Variants in PATJ observed in about 807,000 individuals in gnomAD.
PATJ encodes inaD-like protein.
PATJ carries 190 observed loss-of-function variants against 224.9 expected under a neutral mutation model. The observed-to-expected ratio is 0.84, with a 90% CI of 0.75 to 0.95. The LOEUF (loss-of-function observed/expected upper bound fraction) is 0.95, where lower values mean the gene tolerates loss of function less well. Among genes scored for constraint, PATJ ranks in the 40% least tolerant of loss-of-function variants. The pLI, the probability that PATJ is intolerant of heterozygous loss-of-function variation, is 0.00. For missense variants in PATJ, 2,121 were observed against 2,270.3 expected (o/e 0.93, Z 1.34); for synonymous variants, 769 against 820.3 (o/e 0.94, Z 1.07).
chr1:62,144,492 C>T (rs1218540041), intron 41 of PATJ, among the ~76,000 whole-genome samples: 1 of 152,098 alleles, frequency 6.6e-6, no homozygotes, highest in Non-Finnish European at 1.5e-5. Flanking sequence ...AAAGTTCCCT[C>T]TGTATTTGTG....
intron 33 of PATJ, among the ~76,000 whole-genome samples, chr1:62,102,300 A>T (rs1185618754): frequency 6.6e-6 from 1 of 152,234 alleles, no homozygotes; most frequent in Non-Finnish European, 1.5e-5. Context: ...AGTGAAAATC[A>T]CACAACTACC....
chr1:61,862,698 C>CT (rs1180770730), intron 19 of PATJ, among the ~76,000 whole-genome samples: 6 of 152,048 alleles, frequency 3.9e-5, no homozygotes, highest in African/African-American at 1.4e-4. Context: ...ATATTGAATA[C>CT]TTTCTAAAGA....
chr1:61,833,897 A>ATTC, intron 17 of PATJ, 112 bp downstream of exon 17: 1 of 861,608 alleles, frequency 1.2e-6, no homozygotes, highest in Non-Finnish European at 1.8e-6. Flanking sequence ...CTGAATCCCA[A>ATTC]AGATGGGATA....
At chr1:62,079,603 A>G in intron 32 of PATJ, 36 bp downstream of exon 32, 1 of 1,365,426 alleles carries the variant, frequency 7.3e-7, no homozygotes, top group Non-Finnish European at 1.0e-6. Flanking sequence ...TGGCTCATTA[A>G]GCCTTAGAGA....
chr1:62,060,287 T>C (rs1006325197), intron 31 of PATJ, among the ~76,000 whole-genome samples: 4 of 152,192 alleles, frequency 2.6e-5, no homozygotes, highest in African/African-American at 9.7e-5. Context: ...TTAGAGCCTG[T>C]GAGTGCTGTA....
chr1:62,123,869 T>C (rs1665397955), intron 39 of PATJ, among the ~76,000 whole-genome samples: 1 of 151,888 alleles, frequency 6.6e-6, no homozygotes, highest in South Asian at 2.1e-4. Context: ...AACATCTTTA[T>C]ATTTTTGCCC....
chr1:61,944,157 C>T (rs751508630), intron 27 of PATJ, among the ~76,000 whole-genome samples: 9 of 152,092 alleles, frequency 5.9e-5, no homozygotes, highest in African/African-American at 9.7e-5. Context: ...AAAATCAGAC[C>T]GCCTCTTCTC....
intron 30 of PATJ, among the ~76,000 whole-genome samples, chr1:62,045,391 T>A (rs1652354421): frequency 6.6e-6 from 1 of 151,626 alleles, no homozygotes; most frequent in Admixed American, 6.6e-5. Context: ...AAAAAAGGAG[T>A]TTAAAATAAT....
chr1:62,044,399 C>G (rs149013441), intron 30 of PATJ, among the ~76,000 whole-genome samples: 160 of 152,210 alleles, frequency 1.1e-3, no homozygotes, highest in African/African-American at 3.5e-3. Context: ...GCATTTTGAA[C>G]AATGAAACAA....
chr1:61,959,427 T>TATATA (rs1557944954), intron 27 of PATJ, among the ~76,000 whole-genome samples: 1 of 25,188 alleles, frequency 4.0e-5, no homozygotes, highest in Non-Finnish European at 1.0e-4. Flanking sequence ...TATAATATAT[T>TATATA]TTTTTTCTTT....
chr1:62,135,780 C>G (rs1317037603), intron 41 of PATJ, among the ~76,000 whole-genome samples: 1 of 152,106 alleles, frequency 6.6e-6, no homozygotes, highest in East Asian at 1.9e-4. Context: ...TGTAAAGTGT[C>G]TAATAAATAC....
intron 7 of PATJ, among the ~76,000 whole-genome samples, chr1:61,777,832 C>T (rs751804236): frequency 3.3e-5 from 5 of 150,644 alleles, no homozygotes; most frequent in African/African-American, 4.9e-5. Context: ...CTCAGTCTCC[C>T]GAGTAGTTGG....
intron 17 of PATJ, among the ~76,000 whole-genome samples, chr1:61,841,061 G>A (rs539825045): frequency 2.6e-4 from 40 of 152,222 alleles, no homozygotes; most frequent in Non-Finnish European, 3.4e-4. Context: ...ATATATGGCG[G>A]TAATTAATTT....
At chr1:61,823,939 T>C (rs1657746283) in intron 15 of PATJ, among the ~76,000 whole-genome samples, 1 of 152,110 alleles carries the variant, frequency 6.6e-6, no homozygotes, top group Admixed American at 6.6e-5. Flanking sequence ...CATGGGAGGG[T>C]AGGGTATTGG....
At chr1:62,025,758 G>T (rs1647753880) in intron 29 of PATJ, among the ~76,000 whole-genome samples, 1 of 152,218 alleles carries the variant, frequency 6.6e-6, no homozygotes, top group African/African-American at 2.4e-5. Flanking sequence ...AGGAGGTGGA[G>T]GTTGCAGTGA....
chr1:62,061,641 G>A (rs1655458876), intron 31 of PATJ, among the ~76,000 whole-genome samples: 2 of 152,108 alleles, frequency 1.3e-5, no homozygotes, highest in African/African-American at 2.4e-5. Context: ...TGGCTGTGTA[G>A]CATTTCATGT....
chr1:61,864,606 G>A lies in PATJ; in HGVS notation c.2808G>A (p.Gln936=). The change falls in exon 20 of 44, where the codon CAG becomes CAA. Residue 936 remains glutamine, a synonymous_variant. Coordinates refer to ENST00000642238, the MANE Select transcript of PATJ (RefSeq NM_001350145.3). The stretch of plus-strand genomic sequence containing the variant: ...GGACTGTCTATTCCCAGGAGGCACA[G>A]CCGTATGGCTATTGCCCTGAAAATG... ...TGRTVYSQEA[Q]PYGYCPENVM... The A allele has an allele frequency of 6.3e-7, 1 of 1,599,546 alleles. No individual in the cohort carries two copies. The highest frequency in any genetic ancestry group is 8.5e-7 in the Non-Finnish European group (1 of 1,173,452).
chr1:61,984,183 CAG>C (rs2149515526), intron 27 of PATJ, among the ~76,000 whole-genome samples: 1 of 135,978 alleles, frequency 7.4e-6, no homozygotes, highest in African/African-American at 2.8e-5. Flanking sequence ...TTTTTTGAGG[CAG>C]AGTGTTGCTC....
intron 21 of PATJ, among the ~76,000 whole-genome samples, chr1:61,877,940 G>A (rs1295828733): frequency 1.3e-5 from 2 of 152,158 alleles, no homozygotes; most frequent in East Asian, 3.9e-4. Context: ...TGTGCACTTG[G>A]TGGACAGCTC....
Sources: gnomAD v4.1 joint callset for allele counts (sites outside exome capture counted in the v4.1 genomes callset) on GRCh38, gnomAD v4.1.1 for gene constraint, MANE v1.5 for transcripts, NCBI Gene and HGNC (gene_info 2026-07-23, HGNC 2026-07-21) for gene names.